COL3A1: variants seen among roughly 807,000 people sequenced by gnomAD.
COL3A1 encodes collagen alpha-1(III) chain.
A neutral mutation model predicts 200.9 loss-of-function variants in COL3A1; 46 were observed. The ratio of observed to expected loss-of-function variants is 0.23; its 90% CI spans 0.18 to 0.29. The LOEUF (loss-of-function observed/expected upper bound fraction) is 0.29, where lower values mean the gene tolerates loss of function less well. Ranked by LOEUF, COL3A1 falls within the 10% of genes least tolerant of loss-of-function variation. The pLI is 1.00. For missense variants in COL3A1, 1,367 were observed against 1,917.6 expected (o/e 0.71, Z 5.36); for synonymous variants, 650 against 628.0 (o/e 1.03, Z -0.52).
rs1459740754 is a variant in COL3A1, at chr2:188,985,654, C to G, written c.334-11C>G. The G allele has an allele frequency of 1.9e-6, 3 of 1,569,508 alleles. No individual in the cohort carries two copies. The highest frequency in any genetic ancestry group is 2.6e-6 in the Non-Finnish European group (3 of 1,144,120). ...TTTTCACTATTTAATTTATTTTTAT[C>G]TCTTTTTTAGGGCCCTCCTGGTATT... On this transcript the variant is annotated splice_polypyrimidine_tract_variant and intron_variant, in intron 3 of 50. Transcript: ENST00000304636.
rs141685938 is a variant in COL3A1, at chr2:188,996,305, T to TACACAC, written c.1663-75_1663-70dup. 6.5e-4 allele frequency: 414 copies of TACACAC among 634,188 alleles called. 1 individual carries two copies. The highest frequency in any genetic ancestry group is 3.2e-3 in the African/African-American group (160 of 49,556). The allele number at this position is 634,188 out of a possible 1,614,324, so 39.3% of individuals were successfully genotyped here. ...ATATGTATATGTATATCTATATATA[T>TACACAC]ACACACACACACACACACACACATA... On this transcript the variant is annotated intron_variant, in intron 23 of 50. Transcript: ENST00000304636.
intron 40 of COL3A1, among the ~76,000 whole-genome samples, chr2:189,004,983 C>T (rs902603609): frequency 2.6e-5 from 4 of 152,132 alleles, no homozygotes; most frequent in Non-Finnish European, 5.9e-5. Flanking sequence ...GTATATTCTT[C>T]AGATAGAGAC....
rs1688502787 is a variant in COL3A1 at position 189,003,048 on chromosome 2, G to A, written c.2539G>A (p.Gly847Ser). ...GPPGVAGPPGGSGPAGPPGPQ... is the reference protein window; with the variant it reads ...GPPGVAGPPGSSGPAGPPGPQ... ...TCCTGGAGTTGCAGGACCCCCTGGA[G>A]GTTCTGGACCTGCTGTAAGTTCCTT... The change falls in exon 36 of 51, where the codon GGT (glycine) becomes AGT (serine). Residue 847 changes from glycine (G) to serine (S), a missense_variant. Coordinates refer to ENST00000304636, the MANE Select transcript of COL3A1 (RefSeq NM_000090.4). The A allele has an allele frequency of 2.6e-6, 4 of 1,551,066 alleles. No individual in the cohort carries two copies. In the Admixed American group the frequency reaches 7.8e-5, roughly 30 times the overall value.
At chr2:188,974,835 A>T (rs892451602) in intron 1 of COL3A1, among the ~76,000 whole-genome samples, 1 of 152,188 alleles carries the variant, frequency 6.6e-6, no homozygotes, top group African/African-American at 2.4e-5. Flanking sequence ...GGAAACTTTT[A>T]AAAATGGCTT....
At position 189,001,426 on chromosome 2, in the gene COL3A1, C is replaced by A; in HGVS notation, c.2313C>A (p.Gly771=). ...RGPTGPIGPP[G]PAGQPGDKGE... ...CTACTGGTCCTATTGGTCCTCCTGG[C>A]CCAGCTGGCCAGCCTGGAGATAAGG... Residue 771 remains glycine (G), a synonymous_variant, in exon 33 of 51, where the codon GGC becomes GGA. Coordinates refer to ENST00000304636, the MANE Select transcript of COL3A1 (RefSeq NM_000090.4). The A allele has an allele frequency of 6.2e-7, 1 of 1,613,904 alleles. No individual in the cohort carries two copies. Among genetic ancestry groups the A allele is most frequent in the African/African-American group, 1.3e-5 (1 of 75,002 alleles).
At position 189,003,995 on chromosome 2, in the gene COL3A1, C is replaced by A; in HGVS notation, c.2675C>A (p.Pro892His). 1 of 1,611,620 alleles carries A rather than the reference C, an allele frequency of 6.2e-7. No homozygotes were observed. The highest frequency in any genetic ancestry group is 1.7e-5 in the Admixed American group (1 of 59,864). ...AATTATTTGTAGGGTAACCCAGGACCCCCAGGTCCCAGCGGTTCTCCAGGC... is the reference window on the plus strand; with the variant it reads ...AATTATTTGTAGGGTAACCCAGGACACCCAGGTCCCAGCGGTTCTCCAGGC... ...GPPGSNGNPG[P>H]PGPSGSPGKD... Residue 892 changes from proline to histidine, a missense_variant, in exon 39 of 51, where the codon CCC (proline) becomes CAC (histidine). Physicochemically the swap from Pro to His is moderately conservative, Grantham distance 77 (BLOSUM62 -2). Coordinates refer to ENST00000304636, the MANE Select transcript of COL3A1 (RefSeq NM_000090.4).
At chr2:188,993,522 T>C in intron 16 of COL3A1, 63 bp downstream of exon 16, 1 of 1,319,090 alleles carries the variant, frequency 7.6e-7, no homozygotes, top group East Asian at 2.5e-5. Context: ...AAGCATAGTT[T>C]CATGCTTACT....
chr2:188,988,679 T>C, intron 7 of COL3A1, 36 bp downstream of exon 7: 1 of 1,412,630 alleles, frequency 7.1e-7, no homozygotes, highest in Non-Finnish European at 1.0e-6. Flanking sequence ...AGTAAGTCGA[T>C]AATTCCATAT....
chr2:188,997,121 A>G (rs1688345347), intron 24 of COL3A1, 44 bp from the exon 25 acceptor site: 2 of 1,549,314 alleles, frequency 1.3e-6, no homozygotes, highest in Non-Finnish European at 1.8e-6. Flanking sequence ...ATGATTAGTT[A>G]TTGCCCTTTG....
At chr2:189,007,410 C>T in intron 44 of COL3A1, 90 bp from the exon 45 acceptor site, 1 of 1,031,646 alleles carries the variant, frequency 9.7e-7, no homozygotes, top group Non-Finnish European at 1.4e-6. Flanking sequence ...GATAGAAAGC[C>T]ATAAAATAGA....
rs757241017 is a variant in COL3A1, at chr2:189,010,696, C to T, written c.4060C>T (p.Leu1354=). Residue 1354 remains leucine (L), a synonymous_variant, in exon 50 of 51, where the codon CTG becomes TTG. Coordinates refer to ENST00000304636, the MANE Select transcript of COL3A1 (RefSeq NM_000090.4). The part of the protein sequence containing the change: ...ELPEDVLDVH[L]AFLRLLSSRA... ...TCCTGAAGATGTCCTTGATGTGCATCTGGCATTCCTTCGACTTCTCTCCAG... is the reference window on the plus strand; with the variant it reads ...TCCTGAAGATGTCCTTGATGTGCATTTGGCATTCCTTCGACTTCTCTCCAG... 6.2e-6 allele frequency: 10 copies of T among 1,614,096 alleles called. No individual in the cohort carries two copies. The highest frequency in any genetic ancestry group is 8.5e-6 in the Non-Finnish European group (10 of 1,179,956).
At chr2:188,995,981 T>C (rs1456358497) in intron 22 of COL3A1, 144 bp from the exon 23 acceptor site, 1 of 917,036 alleles carries the variant, frequency 1.1e-6, no homozygotes, top group African/African-American at 1.7e-5. Context: ...ACACTTGCCT[T>C]AGATACTTTA....
At chr2:188,980,020 T>C (rs1687916514) in intron 1 of COL3A1, among the ~76,000 whole-genome samples, 1 of 151,532 alleles carries the variant, frequency 6.6e-6, no homozygotes, top group African/African-American at 2.4e-5. Flanking sequence ...CCCTACAAGA[T>C]AGGAGGTACT....
chr2:189,001,348 A>G, intron 32 of COL3A1, 49 bp from the exon 33 acceptor site: 1 of 1,566,134 alleles, frequency 6.4e-7, no homozygotes, highest in Non-Finnish European at 8.8e-7. Context: ...TTAATGCAAA[A>G]AACGATATTT....
At chr2:188,997,011 G>T (rs1348610267) in intron 24 of COL3A1, among the ~76,000 whole-genome samples, 154 bp from the exon 25 acceptor site, 4 of 132,080 alleles carry the variant, frequency 3.0e-5, no homozygotes, top group Non-Finnish European at 6.3e-5. Context: ...GTGTGTGTGT[G>T]TATATATATA....
chr2:189,011,584 T>G (rs1229554912), intron 50 of COL3A1, 44 bp from the exon 51 acceptor site: 1 of 1,612,228 alleles, frequency 6.2e-7, no homozygotes, highest in East Asian at 2.2e-5. Context: ...GTTGTCTAAG[T>G]AATTGTAATG....
intron 8 of COL3A1, 97 bp from the exon 9 acceptor site, chr2:188,989,999 C>T (rs1160767034): frequency 8.9e-7 from 1 of 1,122,846 alleles, no homozygotes. Context: ...TTTAATGAGT[C>T]CTTTGTGAGA....
At position 188,991,028 on chromosome 2, in the gene COL3A1, A is replaced by G; in HGVS notation, c.823A>G (p.Lys275Glu). 6.2e-7 allele frequency: 1 copy of G among 1,613,386 alleles called. No homozygotes were observed. The highest frequency in any genetic ancestry group is 1.1e-5 in the South Asian group (1 of 91,002). Residue 275 changes from lysine to glutamate, a missense_variant, in exon 11 of 51, where the codon AAG becomes GAG. Coordinates refer to ENST00000304636, the MANE Select transcript of COL3A1 (RefSeq NM_000090.4). ...GGGCTTCGATGGACGAAATGGAGAA[A>G]AGGGTGAAACAGGTGCTCCTGGATT... ...HRGFDGRNGEKGETGAPGLKG... is the reference protein window; with the variant it reads ...HRGFDGRNGEEGETGAPGLKG...
At chr2:189,003,583 A>G (rs1429983683) in intron 37 of COL3A1, 119 bp downstream of exon 37, 1 of 1,331,020 alleles carries the variant, frequency 7.5e-7, no homozygotes, top group Non-Finnish European at 1.1e-6. Flanking sequence ...TCGCTCATTC[A>G]TACATGAGTT....
Sources: allele counts gnomAD v4.1 joint callset (sites outside exome capture counted in the v4.1 genomes callset), GRCh38; gene constraint gnomAD v4.1.1; transcripts MANE v1.5; gene names NCBI Gene and HGNC (gene_info 2026-07-23, HGNC 2026-07-21).